IGSF11: variants seen among roughly 807,000 people sequenced by gnomAD.
IGSF11 encodes CXADR like 1.
Under a neutral mutation model 41.0 loss-of-function variants are expected in IGSF11, and 22 were observed. The observed-to-expected ratio is 0.54, with a 90% CI of 0.38 to 0.77. The LOEUF (loss-of-function observed/expected upper bound fraction) is 0.77. Among genes scored for constraint, IGSF11 ranks in the 30% least tolerant of loss-of-function variants. The pLI is 0.00. For missense variants in IGSF11, 444 were observed against 530.8 expected (o/e 0.84, Z 1.61); for synonymous variants, 219 against 201.3 (o/e 1.09, Z -0.74).
intron 1 of IGSF11, among the ~76,000 whole-genome samples, chr3:118,939,839 T>C (rs932488856): frequency 2.6e-5 from 4 of 152,078 alleles, no homozygotes; most frequent in Non-Finnish European, 5.9e-5. Context: ...AATGCAGGCA[T>C]ACAGAAGCAA....
chr3:119,105,518 C>A (rs1356780962), upstream of IGSF11, among the ~76,000 whole-genome samples: 3 of 152,178 alleles, frequency 2.0e-5, no homozygotes, highest in East Asian at 1.9e-4. Context: ...CATCCAGAGA[C>A]TTTGACCTTC....
At chr3:119,046,471 C>T (rs1263193409) in intron 1 of IGSF11, among the ~76,000 whole-genome samples, 2 of 152,010 alleles carry the variant, frequency 1.3e-5, no homozygotes, top group African/African-American at 2.4e-5. Context: ...ATGAGCAAAG[C>T]CTCCAAGAAA....
intron 1 of IGSF11, among the ~76,000 whole-genome samples, chr3:118,932,443 T>C (rs532783173): frequency 4.6e-5 from 7 of 152,384 alleles, no homozygotes; most frequent in Non-Finnish European, 1.0e-4. Flanking sequence ...ACGTATAGTC[T>C]GATGATGTTC....
intron 1 of IGSF11, among the ~76,000 whole-genome samples, chr3:118,939,495 G>C (rs1195006755): frequency 6.6e-6 from 1 of 151,186 alleles, no homozygotes; most frequent in African/African-American, 2.4e-5. Flanking sequence ...AGAATTGCTT[G>C]AACCCAGGAG....
chr3:119,055,562 C>T (rs982285406), intron 1 of IGSF11, among the ~76,000 whole-genome samples: 2 of 152,096 alleles, frequency 1.3e-5, no homozygotes, highest in African/African-American at 2.4e-5. Context: ...GACAGAACAA[C>T]GAGACAGAAA....
At chr3:118,974,449 G>C (rs540723617) in intron 1 of IGSF11, among the ~76,000 whole-genome samples, 2 of 152,306 alleles carry the variant, frequency 1.3e-5, no homozygotes, top group African/African-American at 4.8e-5. Context: ...AGGGCACAGA[G>C]AGGGTGATTA....
intron 1 of IGSF11, among the ~76,000 whole-genome samples, chr3:119,124,136 C>A (rs897128648): frequency 6.6e-6 from 1 of 151,922 alleles, no homozygotes; most frequent in African/African-American, 2.4e-5. Flanking sequence ...ATTCAGAATT[C>A]TATCACAGAG....
intron 1 of IGSF11, among the ~76,000 whole-genome samples, chr3:119,136,927 T>C (rs1179440749): frequency 6.6e-6 from 1 of 152,152 alleles, no homozygotes; most frequent in Non-Finnish European, 1.5e-5. Flanking sequence ...AGCATTTCTA[T>C]GTGCCAACAG....
intron 1 of IGSF11, among the ~76,000 whole-genome samples, chr3:119,079,110 C>A (rs1460964682): frequency 6.6e-6 from 1 of 152,118 alleles, no homozygotes; most frequent in Non-Finnish European, 1.5e-5. Flanking sequence ...GTAATCCCAG[C>A]ACTTTGGGAA....
intron 1 of IGSF11, among the ~76,000 whole-genome samples, chr3:119,092,182 G>A (rs1429554016): frequency 2.0e-5 from 3 of 151,846 alleles, no homozygotes; most frequent in East Asian, 1.9e-4. Context: ...CTGTGTTCGC[G>A]CTTGAAGCTA....
chr3:119,095,703 C>A (rs1225729294), intron 1 of IGSF11, among the ~76,000 whole-genome samples: 1 of 152,168 alleles, frequency 6.6e-6, no homozygotes, highest in Non-Finnish European at 1.5e-5. Context: ...GAGTTAGAGA[C>A]CATGGCCTAC....
At chr3:119,077,071 T>C (rs2076512172) in intron 1 of IGSF11, among the ~76,000 whole-genome samples, 1 of 152,204 alleles carries the variant, frequency 6.6e-6, no homozygotes, top group African/African-American at 2.4e-5. Context: ...ATATACACCA[T>C]GGAATACTGT....
chr3:118,944,836 A>G (rs1464866328), intron 1 of IGSF11: 1 of 152,158 alleles, frequency 6.6e-6, no homozygotes, highest in Non-Finnish European at 1.5e-5. Context: ...CTTGGAGGTG[A>G]TATGATTATT....
At position 119,034,796 on chromosome 3, in the gene IGSF11, C is replaced by T; in HGVS notation, c.-214G>A. The T allele has an allele frequency of 7.9e-7, 1 of 1,270,802 alleles. No homozygotes were observed. Among genetic ancestry groups the T allele is most frequent in the Non-Finnish European group, 9.9e-7 (1 of 1,008,082 alleles). 78.7% of individuals were successfully genotyped at this position (1,270,802 alleles called of 1,614,324 possible). ...GGCTCCGCGGACGCTGAGCTGTGACCAGAGGCGTTCCGGGCTCGCCAGCCG... is the reference window on the plus strand; with the variant it reads ...GGCTCCGCGGACGCTGAGCTGTGACTAGAGGCGTTCCGGGCTCGCCAGCCG... On this transcript the variant is annotated 5_prime_UTR_variant, in exon 1 of 7. Coordinates refer to ENST00000393775, the MANE Select transcript of IGSF11 (RefSeq NM_001015887.3).
intron 4 of IGSF11, among the ~76,000 whole-genome samples, chr3:118,921,932 C>T (rs970145438): frequency 6.6e-6 from 1 of 151,704 alleles, no homozygotes; most frequent in African/African-American, 2.4e-5. Context: ...CTTATTCATA[C>T]TATTTCAAAG....
chr3:118,958,239 A>C (rs1945098113), intron 1 of IGSF11, among the ~76,000 whole-genome samples: 1 of 152,214 alleles, frequency 6.6e-6, no homozygotes, highest in Non-Finnish European at 1.5e-5. Context: ...AGCCTTGCCA[A>C]TGATGAACAT....
chr3:119,122,103 C>T (rs980414882), intron 1 of IGSF11, among the ~76,000 whole-genome samples: 18 of 152,130 alleles, frequency 1.2e-4, no homozygotes, highest in African/African-American at 4.3e-4. Context: ...ATCAAGTAAG[C>T]ACCACATAGT....
intron 1 of IGSF11, among the ~76,000 whole-genome samples, chr3:118,980,028 G>T (rs761068834): frequency 6.6e-6 from 1 of 152,110 alleles, no homozygotes; most frequent in Admixed American, 6.5e-5. Context: ...TGTTAGTGAG[G>T]ATGTGGAGAA....
At chr3:119,105,019 A>AT (rs994074117) in intron 1 of IGSF11, 16 of 580,574 alleles carry the variant, frequency 2.8e-5, no homozygotes, top group South Asian at 1.1e-4. Flanking sequence ...GAAATGGAAG[A>AT]TTTTTTTTAG....
Sources: allele counts gnomAD v4.1 joint callset (sites outside exome capture counted in the v4.1 genomes callset), GRCh38; gene constraint gnomAD v4.1.1; transcripts MANE v1.5; gene names NCBI Gene and HGNC (gene_info 2026-07-23, HGNC 2026-07-21).